Variants in OTUD6B observed in about 807,000 individuals in gnomAD.
OTUD6B encodes OTU deubiquitinase 6B, also known as deubiquitinase OTUD6B.
Under a neutral mutation model 36.9 loss-of-function variants are expected in OTUD6B, and 41 were observed. The observed-to-expected ratio is 1.11, with a 90% CI of 0.87 to 1.44. The LOEUF (loss-of-function observed/expected upper bound fraction) is 1.44, where lower values mean the gene tolerates loss of function less well. OTUD6B is among the 40% of genes most tolerant of loss of function. The pLI is 0.00. For missense variants in OTUD6B, 356 were observed against 344.8 expected, an observed-to-expected ratio of 1.03 and a Z score of -0.26; for synonymous variants, 114 against 114.2, an observed-to-expected ratio of 1.00 and a Z score of 0.01.
chr8:91,076,628 G>T, intron 3 of OTUD6B: 1 of 1,532,400 alleles, frequency 6.5e-7, no homozygotes, highest in African/African-American at 1.4e-5. Flanking sequence ...GTTGTCCTTG[G>T]TCCCTGCTCT....
At chr8:91,076,561 C>G in intron 3 of OTUD6B, 3 of 1,527,958 alleles carry the variant, frequency 2.0e-6, no homozygotes, top group Non-Finnish European at 2.6e-6. Context: ...AACTCCAGCT[C>G]CCATCTGCTC....
rs1469805502 is a variant in OTUD6B at position 91,085,824 on chromosome 8, T to C, written c.*956T>C. The C allele has an allele frequency of 6.6e-6, 1 of 152,140 alleles. No homozygotes were observed. The highest frequency in any genetic ancestry group is 1.5e-5 in the Non-Finnish European group (1 of 68,004). The allele number at this position is 152,140 out of a possible 1,614,324, so 9.4% of individuals were successfully genotyped here. On this transcript the variant is annotated 3_prime_UTR_variant, in exon 7 of 7. Transcript: ENST00000404789. Reference sequence around the variant, plus strand: ...CATTTACTTGAAATTCTTCCTCTTTTCTGATTTGTCTTACCAGATATTTCC... The same window carrying C: ...CATTTACTTGAAATTCTTCCTCTTTCCTGATTTGTCTTACCAGATATTTCC...
chr8:91,074,526 A>G (rs1249437878), intron 3 of OTUD6B, among the ~76,000 whole-genome samples: 2 of 152,120 alleles, frequency 1.3e-5, no homozygotes, highest in Non-Finnish European at 2.9e-5. Context: ...TCCAAATAGG[A>G]GGAGCAGCAT....
chr8:91,071,055 C>G, intron 1 of OTUD6B, 83 bp from the exon 2 acceptor site: 4 of 1,571,222 alleles, frequency 2.5e-6, no homozygotes, highest in Non-Finnish European at 3.4e-6. Context: ...ACCCTTCGCC[C>G]GTTACCATCC....
At chr8:91,078,702 G>GT in intron 4 of OTUD6B, 34 bp downstream of exon 4, 5 of 1,431,618 alleles carry the variant, frequency 3.5e-6, no homozygotes, top group Non-Finnish European at 4.7e-6. Context: ...TTTTATTGTT[G>GT]CTTTGTTGTA....
intron 3 of OTUD6B, among the ~76,000 whole-genome samples, chr8:91,074,667 A>T (rs553187089): frequency 4.6e-4 from 70 of 152,242 alleles, no homozygotes; most frequent in Admixed American, 8.5e-4. Context: ...TTTGAATTTG[A>T]AAAAGAAAAA....
intron 1 of OTUD6B, among the ~76,000 whole-genome samples, 169 bp downstream of exon 1, chr8:91,070,635 C>T (rs1812670153): frequency 6.6e-6 from 1 of 152,024 alleles, no homozygotes; most frequent in Admixed American, 6.5e-5. Flanking sequence ...CCTTTAATTC[C>T]CCAACCTTCA....
At chr8:91,082,858 C>T (rs905051122) in intron 5 of OTUD6B, among the ~76,000 whole-genome samples, 1 of 147,626 alleles carries the variant, frequency 6.8e-6, no homozygotes, top group Admixed American at 6.9e-5. Flanking sequence ...CTCAAGTGAT[C>T]CATCATGCCT....
In OTUD6B at chr8:91,084,134, T is replaced by G; in HGVS notation, c.797+20T>G. Reference sequence around the variant, plus strand: ...ACTTGTGTAAGTACCTAGACATTTTTACTGTTTTATTTTTCACAATTAATA... The same window carrying G: ...ACTTGTGTAAGTACCTAGACATTTTGACTGTTTTATTTTTCACAATTAATA... On this transcript the variant is annotated intron_variant, in intron 6 of 6. Transcript: ENST00000404789. The G allele has an allele frequency of 1.5e-6, 2 of 1,311,362 alleles. No individual in the cohort carries two copies. The highest frequency in any genetic ancestry group is 2.1e-6 in the Non-Finnish European group (2 of 948,470). The allele number at this position is 1,311,362 out of a possible 1,614,324, so 81.2% of individuals were successfully genotyped here.
chr8:91,080,807 C>A, intron 5 of OTUD6B, 77 bp downstream of exon 5: 1 of 1,024,648 alleles, frequency 9.8e-7, no homozygotes, highest in Non-Finnish European at 1.4e-6. Context: ...TTAGATGTTT[C>A]TCAGCTGATC....
At chr8:91,079,385 C>T (rs967119452) in intron 4 of OTUD6B, among the ~76,000 whole-genome samples, 9 of 151,938 alleles carry the variant, frequency 5.9e-5, no homozygotes, top group Non-Finnish European at 1.3e-4. Context: ...AATTGACTTT[C>T]CTTTAGTGGA....
intron 3 of OTUD6B, among the ~76,000 whole-genome samples, chr8:91,075,237 C>T (rs907995753): frequency 6.6e-6 from 1 of 151,898 alleles, no homozygotes; most frequent in Non-Finnish European, 1.5e-5. Context: ...TTTGTAGATT[C>T]ATAAAATTTA....
chr8:91,080,549 G>A, intron 4 of OTUD6B, 120 bp from the exon 5 acceptor site: 1 of 1,462,322 alleles, frequency 6.8e-7, no homozygotes, highest in Non-Finnish European at 9.0e-7. Flanking sequence ...GATAATGGTA[G>A]AGAAGGAGAA....
chr8:91,071,197 C>T lies in OTUD6B; in HGVS notation c.142C>T (p.Leu48Phe). 1 of 1,613,658 alleles carries T rather than the reference C, an allele frequency of 6.2e-7. No individual in the cohort carries two copies. The highest frequency in any genetic ancestry group is 8.5e-7 in the Non-Finnish European group (1 of 1,179,660). Residue 48 changes from leucine (L) to phenylalanine (F), a missense_variant, in exon 2 of 7, where the codon CTC (leucine) becomes TTC (phenylalanine). Transcript: ENST00000404789. Reference protein sequence around the residue: ...PKNDKKRRKQLTEDVAKLEKE... With the variant: ...PKNDKKRRKQFTEDVAKLEKE... ...GAATGACAAGAAGAGGAGGAAGCAA[C>T]TCACCGAAGATGTGGCCAAGTTGGA... is the stretch of plus-strand genomic sequence containing the variant.
chr8:91,078,492 A>C lies in OTUD6B; in HGVS notation c.452A>C (p.Gln151Pro). 1.2e-6 allele frequency: 2 copies of C among 1,608,970 alleles called. No individual in the cohort carries two copies. Among genetic ancestry groups the C allele is most frequent in the Non-Finnish European group, 1.7e-6 (2 of 1,177,412 alleles). ...ILAARQLEIK[Q>P]IPSDGHCMYK... is the part of the protein sequence containing the mutation. ...GCAGCTAGACAGTTAGAAATTAAACAGATTCCATCTGATGGCCACTGTATG... is the reference window on the plus strand; with the variant it reads ...GCAGCTAGACAGTTAGAAATTAAACCGATTCCATCTGATGGCCACTGTATG... Residue 151 changes from glutamine (Q) to proline (P), a missense_variant, in exon 4 of 7, where the codon CAG becomes CCG. By Grantham distance (76) the Gln-to-Pro change is moderately conservative. Coordinates refer to ENST00000404789, the MANE Select transcript of OTUD6B (RefSeq NM_016023.5).
Position 91,078,476 on chromosome 8 carries a change from CAGTT to C in OTUD6B, c.439_442del (p.Leu147LysfsTer20). ...ACTTGCTCAAATATTGGCAGCTAGA[CAGTT>C]AGAAATTAAACAGATTCCATCTGAT... On this transcript the variant is annotated frameshift_variant, in exon 4 of 7. Transcript: ENST00000404789. LOFTEE classifies it high-confidence loss of function. The C allele has an allele frequency of 1.9e-6, 3 of 1,607,140 alleles. No individual in the cohort carries two copies. The highest frequency in any genetic ancestry group is 2.6e-6 in the Non-Finnish European group (3 of 1,176,466).
In OTUD6B at chr8:91,084,845, A is replaced by G. The variant is rs754925589; in HGVS notation, c.859A>G (p.Ile287Val). 8.2e-5 allele frequency: 128 copies of G among 1,569,780 alleles called. No individual in the cohort carries two copies. Among genetic ancestry groups the G allele is most frequent in the Middle Eastern group, 1.7e-4 (1 of 5,962 alleles). The change falls in exon 7 of 7, where the codon ATA becomes GTA. Residue 287 changes from isoleucine to valine, a missense_variant. Physicochemically the swap from Ile to Val is conservative, Grantham distance 29. Transcript: ENST00000404789. ...HYNSVTRLVNIVTENCS is the reference protein window; with the variant it reads ...HYNSVTRLVNVVTENCS Reference sequence around the variant, plus strand: ...TAATTCGGTTACACGGTTGGTAAACATAGTTACTGAAAATTGCAGCTAATT... The same window carrying G: ...TAATTCGGTTACACGGTTGGTAAACGTAGTTACTGAAAATTGCAGCTAATT...
In OTUD6B at chr8:91,075,991, G is replaced by C. The variant is rs188935681; in HGVS notation, c.315+2080G>C. Among the ~76,000 whole-genome samples the C allele has an allele frequency of 9.9e-5, 15 of 152,162 alleles. 1 individual carries two copies. The East Asian group carries it at 2.9e-3, about 29-fold the overall frequency. ...TATTCAAAGAACTTACAAACTTTTT[G>C]ATATGAGAGAAAGAGTCTAAAATAG... On this transcript the variant is annotated intron_variant, in intron 3 of 6. Transcript: ENST00000404789.
chr8:91,084,417 A>T (rs966664914), intron 6 of OTUD6B, among the ~76,000 whole-genome samples: 1 of 152,150 alleles, frequency 6.6e-6, no homozygotes, highest in Non-Finnish European at 1.5e-5. Flanking sequence ...ATTTTATGAA[A>T]ATATCTTACA....
Sources: allele counts gnomAD v4.1 joint callset (sites outside exome capture counted in the v4.1 genomes callset), GRCh38; gene constraint gnomAD v4.1.1; transcripts MANE v1.5; gene names NCBI Gene and HGNC (gene_info 2026-07-23, HGNC 2026-07-21).